The following IGSF5 variants were observed in gnomAD, a reference collection of about 807,000 sequenced individuals.
IGSF5 encodes immunoglobulin superfamily 5 like.
In IGSF5, 41 loss-of-function variants were observed where a neutral mutation model predicts 39.4. The observed-to-expected ratio is 1.04, with a 90% CI of 0.81 to 1.35. IGSF5 has a LOEUF of 1.35. Among genes scored for constraint, IGSF5 ranks in the 40% most tolerant of loss-of-function variants. The pLI, the probability that IGSF5 is intolerant of heterozygous loss-of-function variation, is 0.00. For missense variants in IGSF5, 487 were observed against 494.6 expected (o/e 0.98, Z 0.15); for synonymous variants, 183 against 175.3 (o/e 1.04, Z -0.34).
chr21:39,744,971 G>A (rs987809276), upstream of IGSF5, among the ~76,000 whole-genome samples: 12 of 152,296 alleles, frequency 7.9e-5, no homozygotes, highest in Admixed American at 2.0e-4. Flanking sequence ...AAGTGGCATT[G>A]GAGTGTTATA....
chr21:39,792,044 G>A lies in IGSF5; in HGVS notation c.993G>A (p.Glu331=). Residue 331 remains glutamate (E), a synonymous_variant, in exon 7 of 9, where the codon GAG becomes GAA. Transcript: ENST00000380588. ...SEKEKTNKET[E]TESGNENSGY... The stretch of plus-strand genomic sequence containing the variant: ...AAGAGAAGACAAACAAAGAAACTGA[G>A]ACAGAAAGTGGAAATGAAAACTCCG... 6.2e-7 allele frequency: 1 copy of A among 1,611,068 alleles called. No individual in the cohort carries two copies. The highest frequency in any genetic ancestry group is 8.5e-7 in the Non-Finnish European group (1 of 1,178,558).
At chr21:39,769,564 C>T (rs1179602929) in intron 3 of IGSF5, among the ~76,000 whole-genome samples, 3 of 150,908 alleles carry the variant, frequency 2.0e-5, no homozygotes, top group East Asian at 2.0e-4. Flanking sequence ...ATACTCCTCA[C>T]TGTTCCAACT....
intron 2 of IGSF5, among the ~76,000 whole-genome samples, chr21:39,749,213 G>GTT (rs35333249): frequency 1.4e-5 from 2 of 139,038 alleles, no homozygotes; most frequent in Non-Finnish European, 1.5e-5. Context: ...AGACAAATAG[G>GTT]TTTTTTTTTT....
At position 39,799,522 on chromosome 21, in the gene IGSF5, G is replaced by T. The variant is rs1487969466; in HGVS notation, c.1129-1740G>T. The stretch of plus-strand genomic sequence containing the variant: ...GAGGAATTTTTTTTTTTTTGTCCCA[G>T]TGTGAAAACTCCACAGACATGTATA... On this transcript the variant is annotated intron_variant, in intron 8 of 8. Coordinates refer to ENST00000380588, the MANE Select transcript of IGSF5 (RefSeq NM_001080444.2). Among the ~76,000 whole-genome samples, 12 of 151,198 alleles carry T rather than the reference G, an allele frequency of 7.9e-5. 1 individual carries two copies. The highest frequency in any genetic ancestry group is 2.9e-4 in the African/African-American group (12 of 41,098).
intron 2 of IGSF5, among the ~76,000 whole-genome samples, chr21:39,754,951 T>G (rs1012948452): frequency 4.6e-5 from 7 of 152,180 alleles, no homozygotes; most frequent in African/African-American, 1.7e-4. Flanking sequence ...GTTTTTGCAC[T>G]GCCTGCCCTG....
chr21:39,750,431 C>T (rs2079999156), intron 2 of IGSF5, among the ~76,000 whole-genome samples: 1 of 148,506 alleles, frequency 6.7e-6, no homozygotes, highest in Non-Finnish European at 1.5e-5. Context: ...CTGCTTGAGC[C>T]TAGGAGTTCA....
At chr21:39,795,625 G>A (rs112707105) in intron 8 of IGSF5, among the ~76,000 whole-genome samples, 3 of 151,680 alleles carry the variant, frequency 2.0e-5, no homozygotes, top group African/African-American at 4.8e-5. Flanking sequence ...GCTCGGAGTG[G>A]ATGCTTCTTG....
At position 39,792,008 on chromosome 21, in the gene IGSF5, G is replaced by C. The variant is rs1569259493; in HGVS notation, c.957G>C (p.Lys319Asn). 1.9e-6 allele frequency: 3 copies of C among 1,601,062 alleles called. No homozygotes were observed. In the Admixed American group the frequency reaches 5.1e-5, roughly 27 times the overall value. ...RKRGFRIQFQ[K>N]KSEKEKTNKE... ...TGAACATAAAATGGTCTAATTGTAG[G>C]AAATCTGAAAAAGAGAAGACAAACA... Residue 319 changes from lysine to asparagine, a missense_variant and splice_region_variant, in exon 7 of 9, where the codon AAG becomes AAC. Transcript: ENST00000380588.
At chr21:39,715,662 T>C in the IGSF5 span, among the ~76,000 whole-genome samples, 1 of 152,216 alleles carries the variant, frequency 6.6e-6, no homozygotes, top group Admixed American at 6.5e-5. Flanking sequence ...AATAAGAAAA[T>C]AGATCCTTGC....
chr21:39,788,736 A>G (rs1052734160), intron 6 of IGSF5, among the ~76,000 whole-genome samples: 1 of 152,220 alleles, frequency 6.6e-6, no homozygotes, highest in Non-Finnish European at 1.5e-5. Flanking sequence ...CTTTTAAGGT[A>G]ACTGTGTCAA....
chr21:39,762,315 A>G lies in IGSF5; in HGVS notation c.101-3220A>G, dbSNP rs1042566789. ...GTGATCAGGATTACAACTTAGTTTT[A>G]TACATTTTAGGGAGACATGAGACAT... On this transcript the variant is annotated intron_variant, in intron 2 of 8. Coordinates refer to ENST00000380588, the MANE Select transcript of IGSF5 (RefSeq NM_001080444.2). Among the ~76,000 whole-genome samples, 4 of 152,206 alleles carry G rather than the reference A, an allele frequency of 2.6e-5. No homozygotes were observed. In the South Asian group the frequency reaches 6.2e-4, roughly 24 times the overall value.
At chr21:39,794,367 G>C (rs1216165395) in intron 8 of IGSF5, among the ~76,000 whole-genome samples, 1 of 152,194 alleles carries the variant, frequency 6.6e-6, no homozygotes, top group Non-Finnish European at 1.5e-5. Flanking sequence ...CCAGTCTGCA[G>C]TTCCAGGGAG....
chr21:39,784,083 C>T (rs549237671), intron 5 of IGSF5, among the ~76,000 whole-genome samples: 1 of 152,286 alleles, frequency 6.6e-6, no homozygotes. Context: ...CAGTATTGTT[C>T]CATCTGTGAT....
chr21:39,770,158 C>CTG (rs1164090188), intron 3 of IGSF5, among the ~76,000 whole-genome samples: 1 of 152,200 alleles, frequency 6.6e-6, no homozygotes, highest in Non-Finnish European at 1.5e-5. Flanking sequence ...TTCACTAAGG[C>CTG]TGTGTCTTTA....
intron 8 of IGSF5, among the ~76,000 whole-genome samples, chr21:39,796,158 T>G (rs1020682769): frequency 3.3e-5 from 5 of 152,162 alleles, no homozygotes; most frequent in Non-Finnish European, 7.3e-5. Flanking sequence ...AGGCTGGGCC[T>G]GGGGACACAG....
chr21:39,730,866 C>T, the IGSF5 span, among the ~76,000 whole-genome samples: 40 of 152,162 alleles, frequency 2.6e-4, no homozygotes, highest in Admixed American at 4.6e-4. Flanking sequence ...TCCAACTATT[C>T]GGGCATGCAA....
intron 8 of IGSF5, among the ~76,000 whole-genome samples, chr21:39,795,637 T>A (rs1316818508): frequency 1.3e-5 from 2 of 151,780 alleles, no homozygotes; most frequent in Non-Finnish European, 2.9e-5. Flanking sequence ...TGCTTCTTGA[T>A]GTTTGTAGTG....
the IGSF5 span, among the ~76,000 whole-genome samples, chr21:39,737,443 C>G: frequency 6.6e-6 from 1 of 152,076 alleles, no homozygotes; most frequent in South Asian, 2.1e-4. Flanking sequence ...AGACAGACCC[C>G]CTGTACTTTC....
chr21:39,745,631 T>C, intron 1 of IGSF5, 105 bp downstream of exon 1: 1 of 671,974 alleles, frequency 1.5e-6, no homozygotes, highest in Non-Finnish European at 2.7e-6. Context: ...CTGCCTCTAG[T>C]TGGCCCTTGG....
Sources: gnomAD v4.1 joint callset for allele counts (sites outside exome capture counted in the v4.1 genomes callset) on GRCh38, gnomAD v4.1.1 for gene constraint, MANE v1.5 for transcripts, NCBI Gene and HGNC (gene_info 2026-07-23, HGNC 2026-07-21) for gene names.